RAD51B: variants seen among roughly 807,000 people sequenced by gnomAD.
RAD51B encodes RAD51 paralog B, also known as DNA repair protein RAD51 homolog 2.
A neutral mutation model predicts 42.2 loss-of-function variants in RAD51B; 38 were observed. That is an observed-to-expected ratio of 0.90 (90% CI 0.70 to 1.18). The LOEUF is 1.18. RAD51B is among the 50% of genes most tolerant of loss of function. The probability of loss-of-function intolerance (pLI) is 0.00; values close to 1 mark genes in which losing one functional copy is unlikely to be tolerated. For synonymous variants in RAD51B, 154 were observed against 145.2 expected, an observed-to-expected ratio of 1.06 and a Z score of -0.43; for missense variants, 373 against 400.7, an observed-to-expected ratio of 0.93 and a Z score of 0.59.
At chr14:68,139,136 T>G (rs149734132) in intron 7 of RAD51B, among the ~76,000 whole-genome samples, 2 of 152,270 alleles carry the variant, frequency 1.3e-5, no homozygotes, top group African/African-American at 4.8e-5. Context: ...TAAAGGACTT[T>G]CCTCTAGAAC....
rs73280306 is a variant in RAD51B at position 68,496,643 on chromosome 14, C to T, written c.1036+28393C>T. The stretch of plus-strand genomic sequence containing the variant: ...AAGGCAGGGATGGGGTCTTCTCCAT[C>T]CAGTGGCCTGGCCTATTGCCTTCTG... On this transcript the variant is annotated intron_variant, in intron 10 of 10. Transcript: ENST00000487270. Among the ~76,000 whole-genome samples, 901 of 152,366 alleles carry T rather than the reference C, an allele frequency of 5.9e-3. 16 individuals carry two copies. Among genetic ancestry groups the T allele is most frequent in the African/African-American group, 0.021 (865 of 41,578 alleles).
chr14:68,371,036 C>CACA (rs2083245919), intron 8 of RAD51B, among the ~76,000 whole-genome samples: 1 of 26,124 alleles, frequency 3.8e-5, no homozygotes, highest in Admixed American at 6.3e-4. Context: ...GACTCTGTCT[C>CACA]AAAAAAAAAA....
intron 8 of RAD51B, among the ~76,000 whole-genome samples, chr14:68,382,868 C>G (rs2083509104): frequency 6.6e-6 from 1 of 152,216 alleles, no homozygotes; most frequent in African/African-American, 2.4e-5. Flanking sequence ...AAAAAAACCT[C>G]TTTGGTAAAT....
chr14:68,491,019 G>A (rs953972921), intron 10 of RAD51B, among the ~76,000 whole-genome samples: 2 of 152,176 alleles, frequency 1.3e-5, no homozygotes, highest in African/African-American at 4.8e-5. Flanking sequence ...TTTCTCCAGA[G>A]TTATGGATAA....
chr14:68,291,762 C>T (rs2081520650), intron 7 of RAD51B, 122 bp from the exon 8 acceptor site: 2 of 690,314 alleles, frequency 2.9e-6, no homozygotes, highest in Admixed American at 2.3e-5. Context: ...GTTTTGCTAC[C>T]TGTGTATTTA....
At chr14:68,376,711 A>C (rs890040533) in intron 8 of RAD51B, among the ~76,000 whole-genome samples, 2 of 152,242 alleles carry the variant, frequency 1.3e-5, no homozygotes, top group African/African-American at 4.8e-5. Flanking sequence ...GAACAGGCCC[A>C]GGCAGTCTTC....
At chr14:68,434,786 A>G (rs1411861102) in intron 9 of RAD51B, among the ~76,000 whole-genome samples, 1 of 152,014 alleles carries the variant, frequency 6.6e-6, no homozygotes, top group African/African-American at 2.4e-5. Context: ...GGTGAGATGA[A>G]CCCGGTACCT....
chr14:68,210,248 C>T (rs949075498), intron 7 of RAD51B, among the ~76,000 whole-genome samples: 12 of 152,092 alleles, frequency 7.9e-5, no homozygotes, highest in South Asian at 4.1e-4. Context: ...TGTGAGCCAC[C>T]GCACCCAGCC....
intron 10 of RAD51B, among the ~76,000 whole-genome samples, chr14:68,571,903 T>G (rs894249067): frequency 6.6e-6 from 1 of 151,922 alleles, no homozygotes; most frequent in Admixed American, 6.6e-5. Flanking sequence ...AAAATGAGAG[T>G]GAGCAGCCGC....
Position 67,961,667 on chromosome 14 carries a change from C to T in RAD51B, c.756+74463C>T, listed in dbSNP as rs1400373650. ...AACAGTATAGTATAGTTGAAGGAAA[C>T]GGTCCTACCGTTTCCTTGCTTAGAC... On this transcript the variant is annotated intron_variant, in intron 7 of 10. Coordinates refer to ENST00000471583, the MANE Select transcript of RAD51B (RefSeq NM_133510.4). Among the ~76,000 whole-genome samples, 9 of 152,134 alleles carry T rather than the reference C, an allele frequency of 5.9e-5. No individual in the cohort carries two copies. In the East Asian group the frequency reaches 1.3e-3, roughly 23 times the overall value.
intron 5 of RAD51B, among the ~76,000 whole-genome samples, chr14:67,872,732 A>G (rs940200054): frequency 6.6e-6 from 1 of 151,230 alleles, no homozygotes; most frequent in Non-Finnish European, 1.5e-5. Flanking sequence ...TACTGGTACC[A>G]AAACAGAGAT....
At chr14:68,066,668 T>C (rs1595350537) in intron 7 of RAD51B, among the ~76,000 whole-genome samples, 1 of 152,156 alleles carries the variant, frequency 6.6e-6, no homozygotes, top group Non-Finnish European at 1.5e-5. Context: ...ACACCTATAG[T>C]CTCAACTACT....
intron 8 of RAD51B, among the ~76,000 whole-genome samples, chr14:68,373,226 C>A (rs985633492): frequency 4.6e-5 from 7 of 152,150 alleles, no homozygotes; most frequent in Non-Finnish European, 1.0e-4. Context: ...TACTGATTAC[C>A]CTGAGTATGT....
At chr14:68,006,381 A>AT (rs1311051740) in intron 7 of RAD51B, among the ~76,000 whole-genome samples, 7 of 152,232 alleles carry the variant, frequency 4.6e-5, no homozygotes, top group African/African-American at 1.7e-4. Flanking sequence ...TTTTAATAAC[A>AT]TTTTTCCAGA....
chr14:68,365,159 T>C (rs2083115775), intron 8 of RAD51B, among the ~76,000 whole-genome samples: 1 of 152,216 alleles, frequency 6.6e-6, no homozygotes, highest in African/African-American at 2.4e-5. Context: ...AGACGTACTT[T>C]ATGGGCCACC....
chr14:68,596,402 C>T (rs1443394344), downstream of RAD51B, among the ~76,000 whole-genome samples: 2 of 152,086 alleles, frequency 1.3e-5, no homozygotes. Flanking sequence ...TTCTCGTAAG[C>T]CTTTTCATAG....
intron 5 of RAD51B, among the ~76,000 whole-genome samples, chr14:67,880,560 C>A (rs2042872436): frequency 6.6e-6 from 1 of 152,196 alleles, no homozygotes; most frequent in African/African-American, 2.4e-5. Context: ...CACAGTTTGA[C>A]AACCCCTGCT....
At chr14:68,215,117 T>C (rs2079786767) in intron 7 of RAD51B, among the ~76,000 whole-genome samples, 1 of 152,204 alleles carries the variant, frequency 6.6e-6, no homozygotes, top group Admixed American at 6.5e-5. Flanking sequence ...TTCAATTCTC[T>C]CCTGAGTTAT....
chr14:68,258,438 C>G (rs1002562112), intron 7 of RAD51B, among the ~76,000 whole-genome samples: 1 of 151,632 alleles, frequency 6.6e-6, no homozygotes, highest in Non-Finnish European at 1.5e-5. Context: ...CACACTCTCT[C>G]TCTCTCACAC....
Sources: gnomAD v4.1 joint callset for allele counts (sites outside exome capture counted in the v4.1 genomes callset) on GRCh38, gnomAD v4.1.1 for gene constraint, MANE v1.5 for transcripts, NCBI Gene and HGNC (gene_info 2026-07-23, HGNC 2026-07-21) for gene names.